The following F13A1 variants were observed in gnomAD, a reference collection of about 807,000 sequenced individuals.
F13A1 encodes coagulation factor XIII A chain, also known as FSF, A subunit.
A neutral mutation model predicts 80.1 loss-of-function variants in F13A1; 47 were observed. The observed-to-expected ratio is 0.59, with a 90% CI of 0.46 to 0.75. The LOEUF is 0.75. Ranked by LOEUF, F13A1 falls within the 30% of genes least tolerant of loss-of-function variation. The pLI is 0.00. For synonymous variants in F13A1, 349 were observed against 344.9 expected (o/e 1.01, Z -0.13); for missense variants, 817 against 930.4 (o/e 0.88, Z 1.59).
intron 3 of F13A1, among the ~76,000 whole-genome samples, chr6:6,280,779 T>C (rs1334780975): frequency 6.6e-6 from 1 of 152,232 alleles, no homozygotes; most frequent in East Asian, 1.9e-4. Context: ...TCCCCACTGA[T>C]TTGCCTTTAA....
intron 10 of F13A1, among the ~76,000 whole-genome samples, chr6:6,192,899 C>A (rs1218474213): frequency 6.6e-6 from 1 of 152,174 alleles, no homozygotes; most frequent in Non-Finnish European, 1.5e-5. Flanking sequence ...AGAGAGTTAT[C>A]TTTGGCAAGA....
At chr6:6,256,070 A>G (rs1757698688) in intron 4 of F13A1, among the ~76,000 whole-genome samples, 1 of 152,086 alleles carries the variant, frequency 6.6e-6, no homozygotes, top group African/African-American at 2.4e-5. Context: ...TTGTTTTTAA[A>G]TTTTTGGTTA....
chr6:6,172,761 T>G (rs1760799424), intron 12 of F13A1, among the ~76,000 whole-genome samples: 1 of 152,186 alleles, frequency 6.6e-6, no homozygotes, highest in Non-Finnish European at 1.5e-5. Flanking sequence ...TATAGTGATT[T>G]CTTAATTGTT....
intron 3 of F13A1, among the ~76,000 whole-genome samples, chr6:6,281,587 C>T (rs1329597029): frequency 6.6e-6 from 1 of 152,158 alleles, no homozygotes; most frequent in Non-Finnish European, 1.5e-5. Context: ...TTGTTTTAAG[C>T]CACTAAGATT....
intron 4 of F13A1, among the ~76,000 whole-genome samples, chr6:6,257,827 T>C (rs1320263482): frequency 6.6e-6 from 1 of 152,200 alleles, no homozygotes; most frequent in African/African-American, 2.4e-5. Flanking sequence ...TTAAGGGCTT[T>C]TTAGTGTACT....
chr6:6,292,898 C>A (rs1288223637), intron 3 of F13A1, among the ~76,000 whole-genome samples: 2 of 152,148 alleles, frequency 1.3e-5, no homozygotes, highest in Non-Finnish European at 2.9e-5. Context: ...TCTGAAGAGA[C>A]TGGAAAAAGG....
intron 11 of F13A1, among the ~76,000 whole-genome samples, chr6:6,180,904 T>A (rs895985360): frequency 2.6e-5 from 4 of 152,256 alleles, no homozygotes; most frequent in Admixed American, 6.5e-5. Flanking sequence ...TGGATTCCAA[T>A]GAATATTTAG....
chr6:6,283,839 G>A (rs1335523964), intron 3 of F13A1, among the ~76,000 whole-genome samples: 1 of 152,208 alleles, frequency 6.6e-6, no homozygotes, highest in Non-Finnish European at 1.5e-5. Flanking sequence ...AAAGACACAA[G>A]GTGGCCTTTC....
At chr6:6,218,503 G>T (rs557243251) in intron 8 of F13A1, among the ~76,000 whole-genome samples, 1 of 152,124 alleles carries the variant, frequency 6.6e-6, no homozygotes, top group Non-Finnish European at 1.5e-5. Flanking sequence ...GCTCCTTCTG[G>T]GATCTGCTAC....
intron 8 of F13A1, among the ~76,000 whole-genome samples, chr6:6,204,547 A>G: frequency 6.6e-6 from 1 of 152,214 alleles, no homozygotes; most frequent in Non-Finnish European, 1.5e-5. Context: ...GTTGACAATA[A>G]TGACAGGACA....
At chr6:6,281,493 G>A (rs182894211) in intron 3 of F13A1, among the ~76,000 whole-genome samples, 10 of 152,302 alleles carry the variant, frequency 6.6e-5, no homozygotes, top group East Asian at 1.9e-4. Flanking sequence ...CCTAAGGGAC[G>A]ACACTAGGTA....
intron 8 of F13A1, chr6:6,206,542 A>G (rs765217034): frequency 6.1e-6 from 3 of 492,898 alleles, no homozygotes; most frequent in South Asian, 4.6e-5. Context: ...GTGAGACTTG[A>G]GTGGAATGAG....
intron 2 of F13A1, among the ~76,000 whole-genome samples, chr6:6,312,257 C>T (rs1010049186): frequency 5.3e-5 from 8 of 151,600 alleles, no homozygotes; most frequent in African/African-American, 1.9e-4. Context: ...TTTTGATTCT[C>T]TGTTGCAATA....
chr6:6,243,604 T>C lies in F13A1; in HGVS notation c.798+4708A>G, dbSNP rs1407292635. ...TTATTGTGTTATTGGCAATAACGTG[T>C]TGATAGTGGCCCTCTAAGGTAATAT... On this transcript the variant is annotated intron_variant, in intron 6 of 14. Transcript: ENST00000264870. This position sits in a 1 kb window ranked among gnomAD's most constrained non-coding sequence, Gnocchi z 4.2. 6.6e-6 allele frequency among the ~76,000 whole-genome samples: 1 copy of C among 152,230 alleles called. No homozygotes were observed. The highest frequency in any genetic ancestry group is 1.5e-5 in the Non-Finnish European group (1 of 68,036).
At chr6:6,160,275 TAA>T (rs375144806) in intron 13 of F13A1, among the ~76,000 whole-genome samples, 1 of 140,638 alleles carries the variant, frequency 7.1e-6, no homozygotes. Context: ...AGACTCCATC[TAA>T]AAAAAAAAAA....
Position 6,318,611 on chromosome 6 carries a change from A to G in F13A1, c.54T>C (p.Asn18=), listed in dbSNP as rs759640682. Residue 18 remains asparagine (N), a synonymous_variant, in exon 2 of 15, where the codon AAT becomes AAC. Coordinates refer to ENST00000264870, the MANE Select transcript of F13A1 (RefSeq NM_000129.4). The part of the protein sequence containing the change: ...AFGGRRAVPP[N]NSNAAEDDLP... ...GGTCATCTTCCGCTGCATTAGAGTT[A>G]TTGGGTGGAACTGCTCTTCTGCCTC... The G allele has an allele frequency of 1.2e-5, 20 of 1,609,832 alleles. No homozygotes were observed. Among genetic ancestry groups the G allele is most frequent in the Non-Finnish European group, 1.6e-5 (19 of 1,178,536 alleles).
intron 8 of F13A1, among the ~76,000 whole-genome samples, chr6:6,212,006 C>T (rs768742339): frequency 3.9e-5 from 6 of 152,196 alleles, no homozygotes; most frequent in African/African-American, 1.2e-4. Context: ...GATTATATCC[C>T]GCACCTGGCT....
chr6:6,235,505 A>C (rs1031615024), intron 6 of F13A1, among the ~76,000 whole-genome samples: 5 of 152,064 alleles, frequency 3.3e-5, no homozygotes, highest in African/African-American at 1.2e-4. Context: ...ATCAAAGAAA[A>C]TACGTGGGTG....
intron 8 of F13A1, among the ~76,000 whole-genome samples, chr6:6,215,990 G>A (rs9504716): frequency 3.7e-4 from 50 of 135,232 alleles, no homozygotes; most frequent in East Asian, 2.1e-3. Flanking sequence ...GACCTCTTCA[G>A]GGAGAACTAC....
Sources: gnomAD v4.1 joint callset for allele counts (sites outside exome capture counted in the v4.1 genomes callset) on GRCh38, gnomAD v4.1.1 for gene constraint, Gnocchi (gnomAD v3.1) non-coding constraint, MANE v1.5 for transcripts, NCBI Gene and HGNC (gene_info 2026-07-23, HGNC 2026-07-21) for gene names.